ABI3BP: variants seen among roughly 807,000 people sequenced by gnomAD.
ABI3BP encodes the protein target of Nesh-SH3.
A neutral mutation model predicts 268.6 loss-of-function variants in ABI3BP; 216 were observed. That is an observed-to-expected ratio of 0.80 (90% CI 0.72 to 0.90). The LOEUF is 0.90. Among genes scored for constraint, ABI3BP ranks in the 40% least tolerant of loss-of-function variants. ABI3BP has a pLI of 0.00. For synonymous variants in ABI3BP, 730 were observed against 730.0 expected (o/e 1.00, Z 0.00); for missense variants, 2,090 against 2,182.4 (o/e 0.96, Z 0.84).
At chr3:100,773,008 G>A (rs866297220) in intron 61 of ABI3BP, among the ~76,000 whole-genome samples, 1 of 150,846 alleles carries the variant, frequency 6.6e-6, no homozygotes, top group South Asian at 2.1e-4. Context: ...AACCCAGGAA[G>A]CGGAGGTTGC....
intron 49 of ABI3BP, among the ~76,000 whole-genome samples, chr3:100,810,057 A>G (rs1324560920): frequency 6.6e-6 from 1 of 152,110 alleles, no homozygotes; most frequent in Non-Finnish European, 1.5e-5. Flanking sequence ...AGAAAGCTTA[A>G]TATACTTTTT....
Position 100,865,940 on chromosome 3 carries a change from G to A in ABI3BP, c.988+939C>T, listed in dbSNP as rs1455418180. Reference sequence around the variant, plus strand: ...GCTATACCTCTGCTCCAACTCCCATGAAGGTGGGGATGAAAGGTTCATCTC... The same window carrying A: ...GCTATACCTCTGCTCCAACTCCCATAAAGGTGGGGATGAAAGGTTCATCTC... On this transcript the variant is annotated intron_variant, in intron 10 of 67. Transcript: ENST00000471714. 2.6e-5 allele frequency among the ~76,000 whole-genome samples: 4 copies of A among 152,318 alleles called. No homozygotes were observed. In the East Asian group the frequency reaches 7.7e-4, roughly 29 times the overall value.
chr3:100,918,480 C>T (rs1051321997), intron 2 of ABI3BP, among the ~76,000 whole-genome samples: 5 of 151,964 alleles, frequency 3.3e-5, no homozygotes, highest in African/African-American at 1.2e-4. Flanking sequence ...AGACAAGACA[C>T]ACAAAAATAA....
chr3:100,889,275 G>C (rs1329813549), intron 4 of ABI3BP, among the ~76,000 whole-genome samples: 1 of 152,068 alleles, frequency 6.6e-6, no homozygotes, highest in African/African-American at 2.4e-5. Context: ...AGCCCAAGAA[G>C]TGTCTAAGCC....
At chr3:100,819,353 C>A (rs1374465174) in intron 40 of ABI3BP, among the ~76,000 whole-genome samples, 1 of 152,074 alleles carries the variant, frequency 6.6e-6, no homozygotes, top group Non-Finnish European at 1.5e-5. Context: ...TATTCTTATT[C>A]TTCATAACAT....
At chr3:100,885,409 A>G in intron 6 of ABI3BP, 127 bp downstream of exon 6, 1 of 477,334 alleles carries the variant, frequency 2.1e-6, no homozygotes, top group Non-Finnish European at 3.7e-6. Flanking sequence ...TCCTAAAACT[A>G]AGTACTTTCT....
At position 100,822,610 on chromosome 3, in the gene ABI3BP, C is replaced by G; in HGVS notation, c.2866G>C (p.Glu956Gln). 6.5e-7 allele frequency: 1 copy of G among 1,536,554 alleles called. No homozygotes were observed. The highest frequency in any genetic ancestry group is 8.7e-7 in the Non-Finnish European group (1 of 1,146,950). Residue 956 changes from glutamate (E) to glutamine (Q), a missense_variant, in exon 38 of 68, where the codon GAA becomes CAA. Glu to Gln is a conservative substitution (Grantham distance 29). Transcript: ENST00000471714. ...TTACCTGGTTTGGATTCAGGTGCTT[C>G]AGGACGTGGTGTGGTTTTTGTTCTG... ...RLRTKTTPRP[E>Q]APESKPVPTA...
intron 2 of ABI3BP, among the ~76,000 whole-genome samples, chr3:100,922,479 A>G (rs1386979683): frequency 6.6e-6 from 1 of 152,016 alleles, no homozygotes; most frequent in Non-Finnish European, 1.5e-5. Context: ...GGGCCCTTAA[A>G]AGTAGAAGAG....
chr3:100,750,948 A>G (rs2095281749), intron 67 of ABI3BP, among the ~76,000 whole-genome samples: 1 of 152,160 alleles, frequency 6.6e-6, no homozygotes, highest in African/African-American at 2.4e-5. Flanking sequence ...TGTGTTACTG[A>G]AAAATCGAAT....
intron 1 of ABI3BP, among the ~76,000 whole-genome samples, chr3:100,961,007 A>C (rs1403357105): frequency 1.3e-5 from 2 of 152,170 alleles, no homozygotes; most frequent in African/African-American, 4.8e-5. Flanking sequence ...TAAGATAATA[A>C]ATTTGTGTTG....
Position 100,842,035 on chromosome 3 carries a change from TG to T in ABI3BP, c.1727del (p.Pro576GlnfsTer13), listed in dbSNP as rs2098712550. The T allele has an allele frequency of 2.0e-6, 3 of 1,534,694 alleles. No homozygotes were observed. The highest frequency in any genetic ancestry group is 2.6e-6 in the Non-Finnish European group (3 of 1,145,672). On this transcript the variant is annotated frameshift_variant, in exon 21 of 68. Transcript: ENST00000471714. LOFTEE classifies it high-confidence loss of function. The part of the protein sequence containing the change: ...SPEVTHTKPA[P>X]EPQTLLPSQS... Reference sequence around the variant, plus strand: ...GTGATGGCAGTAGAGTCTGAGGTTCTGGGGCTGTAATAAAAGCAAGTAATAT... The same window carrying T: ...GTGATGGCAGTAGAGTCTGAGGTTCTGGGCTGTAATAAAAGCAAGTAATAT...
intron 63 of ABI3BP, among the ~76,000 whole-genome samples, chr3:100,765,405 TATTTTA>T (rs1559896111): frequency 6.6e-6 from 1 of 152,218 alleles, no homozygotes; most frequent in Non-Finnish European, 1.5e-5. Flanking sequence ...AGTCTGTAGT[TATTTTA>T]AGTATTAACG....
chr3:100,789,001 C>T (rs745832848), intron 56 of ABI3BP, among the ~76,000 whole-genome samples: 10 of 152,084 alleles, frequency 6.6e-5, no homozygotes, highest in Non-Finnish European at 1.3e-4. Flanking sequence ...CAATATATAA[C>T]TATTTTTGCT....
intron 1 of ABI3BP, among the ~76,000 whole-genome samples, chr3:100,953,161 T>C (rs2075685051): frequency 6.6e-6 from 1 of 152,232 alleles, no homozygotes; most frequent in South Asian, 2.1e-4. Context: ...GCCTACATAA[T>C]ATCCAAAGGC....
chr3:100,820,054 C>A (rs2098172988), intron 40 of ABI3BP, among the ~76,000 whole-genome samples, 166 bp downstream of exon 40: 1 of 152,056 alleles, frequency 6.6e-6, no homozygotes, highest in Non-Finnish European at 1.5e-5. Context: ...AAAGATCTAT[C>A]CCAACTGTGT....
At chr3:100,899,329 G>T (rs1253430513) in intron 3 of ABI3BP, among the ~76,000 whole-genome samples, 3 of 152,110 alleles carry the variant, frequency 2.0e-5, no homozygotes, top group Non-Finnish European at 4.4e-5. Context: ...GAATGAGTGT[G>T]AAATAACATC....
chr3:100,985,138 G>C (rs2153972613), intron 1 of ABI3BP, among the ~76,000 whole-genome samples: 1 of 139,094 alleles, frequency 7.2e-6, no homozygotes, highest in South Asian at 2.3e-4. Context: ...TTTCAGAAAA[G>C]CACTTTTTTT....
At chr3:100,806,757 TAGAG>T (rs1438933389) in intron 50 of ABI3BP, among the ~76,000 whole-genome samples, 2 of 152,062 alleles carry the variant, frequency 1.3e-5, no homozygotes, top group African/African-American at 2.4e-5. Flanking sequence ...GTTTCAGAGT[TAGAG>T]AGTGGAACTC....
chr3:100,801,237 C>G (rs2097526541), intron 51 of ABI3BP, among the ~76,000 whole-genome samples: 1 of 151,730 alleles, frequency 6.6e-6, no homozygotes, highest in African/African-American at 2.4e-5. Flanking sequence ...CCAAAAGTCT[C>G]TAATTCTTTT....
Sources: allele counts gnomAD v4.1 joint callset (sites outside exome capture counted in the v4.1 genomes callset), GRCh38; gene constraint gnomAD v4.1.1; transcripts MANE v1.5; gene names NCBI Gene and HGNC (gene_info 2026-07-23, HGNC 2026-07-21).